PLEKHA5: variants seen among roughly 807,000 people sequenced by gnomAD.
PLEKHA5 encodes the protein pleckstrin homology domain containing A5.
PLEKHA5 carries 55 observed loss-of-function variants against 181.9 expected under a neutral mutation model. The ratio of observed to expected loss-of-function variants is 0.30; its 90% CI spans 0.24 to 0.38. The LOEUF (loss-of-function observed/expected upper bound fraction) is 0.38. PLEKHA5 is among the 10% of genes least tolerant of loss of function. The probability of loss-of-function intolerance (pLI) is 1.00; values close to 1 mark genes in which losing one functional copy is unlikely to be tolerated. For missense variants in PLEKHA5, 1,432 were observed against 1,549.5 expected, an observed-to-expected ratio of 0.92 and a Z score of 1.27; for synonymous variants, 535 against 529.4, an observed-to-expected ratio of 1.01 and a Z score of -0.15.
chr12:19,189,436 A>G (rs1416058485), intron 3 of PLEKHA5, among the ~76,000 whole-genome samples: 3 of 152,176 alleles, frequency 2.0e-5, no homozygotes, highest in Non-Finnish European at 4.4e-5. Flanking sequence ...GGGTTAGAAG[A>G]GAGGAATAAA....
At chr12:19,276,810 T>C (rs1414150403) in intron 11 of PLEKHA5, among the ~76,000 whole-genome samples, 1 of 152,206 alleles carries the variant, frequency 6.6e-6, no homozygotes, top group Non-Finnish European at 1.5e-5. Flanking sequence ...AATACATATG[T>C]TAATTAGCTT....
chr12:19,209,270 A>C (rs752168375), intron 3 of PLEKHA5, among the ~76,000 whole-genome samples: 1 of 152,192 alleles, frequency 6.6e-6, no homozygotes, highest in Non-Finnish European at 1.5e-5. Flanking sequence ...TTATGGGGAC[A>C]ACACTCCAAA....
chr12:19,306,229 A>G (rs2083479499), intron 15 of PLEKHA5, among the ~76,000 whole-genome samples: 1 of 152,132 alleles, frequency 6.6e-6, no homozygotes. Context: ...ACAGAAATTC[A>G]CCGGCATTAT....
chr12:19,280,623 C>T (rs1413306026), intron 11 of PLEKHA5, among the ~76,000 whole-genome samples: 1 of 152,094 alleles, frequency 6.6e-6, no homozygotes, highest in African/African-American at 2.4e-5. Context: ...GAGTCCCAAC[C>T]CTTCCACATA....
intron 8 of PLEKHA5, among the ~76,000 whole-genome samples, chr12:19,268,432 A>T (rs761683099): frequency 6.6e-6 from 1 of 152,190 alleles, no homozygotes; most frequent in Non-Finnish European, 1.5e-5. Flanking sequence ...TTTTCTCTGC[A>T]ATTATTTGGT....
chr12:19,219,510 C>G (rs2058589366), intron 3 of PLEKHA5, among the ~76,000 whole-genome samples: 1 of 58,840 alleles, frequency 1.7e-5, no homozygotes, highest in African/African-American at 4.3e-5. Flanking sequence ...ACTCCTGTTT[C>G]CCTTCTTTTT....
At chr12:19,282,505 T>G (rs990633498) in intron 11 of PLEKHA5, among the ~76,000 whole-genome samples, 11 of 152,346 alleles carry the variant, frequency 7.2e-5, no homozygotes, top group African/African-American at 2.6e-4. Context: ...TAACCATACT[T>G]CCTGAAAGAA....
intron 30 of PLEKHA5, among the ~76,000 whole-genome samples, chr12:19,368,814 G>A (rs1327979593): frequency 6.6e-6 from 1 of 151,926 alleles, no homozygotes; most frequent in East Asian, 1.9e-4. Flanking sequence ...ATAAGGTAGT[G>A]TGCACAGGAG....
chr12:19,311,715 G>T (rs1477852258), intron 15 of PLEKHA5, among the ~76,000 whole-genome samples: 1 of 152,048 alleles, frequency 6.6e-6, no homozygotes, highest in African/African-American at 2.4e-5. Flanking sequence ...CACCACATCT[G>T]CAGTTCCTTC....
rs1350117148 is a variant in PLEKHA5 at position 19,255,010 on chromosome 12, A to C, written c.312-35A>C. 2.5e-6 allele frequency: 4 copies of C among 1,577,816 alleles called. No homozygotes were observed. The South Asian group carries it at 4.6e-5, about 18-fold the overall frequency. On this transcript the variant is annotated intron_variant, in intron 4 of 31. Coordinates refer to ENST00000429027, the MANE Select transcript of PLEKHA5 (RefSeq NM_001256470.2). ...TGTAATTATAAAGCGGGTTACATAC[A>C]CAGCAAGTTCTAGCATTTTGACATA...
In PLEKHA5 at chr12:19,322,500, T is replaced by C. The variant is rs765028693; in HGVS notation, c.2299-18T>C. 1 of 1,612,754 alleles carries C rather than the reference T, an allele frequency of 6.2e-7. No individual in the cohort carries two copies. Among genetic ancestry groups the C allele is most frequent in the African/African-American group, 1.3e-5 (1 of 74,926 alleles). ...CAATGATGCAGAACATTAAGTGTAA[T>C]TCTTTTTATCATAATAGTACACGCT... On this transcript the variant is annotated intron_variant, in intron 19 of 31. Transcript: ENST00000429027.
At position 19,308,865 on chromosome 12, in the gene PLEKHA5, T is replaced by C. The variant is rs796971428; in HGVS notation, c.2038-5949T>C. 5.7e-5 allele frequency among the ~76,000 whole-genome samples: 8 copies of C among 139,428 alleles called. 2 individuals carry two copies. Among genetic ancestry groups the C allele is most frequent in the African/African-American group, 2.0e-4 (7 of 35,218 alleles). The allele number at this position is 139,428 out of a possible 152,430, so 91.5% of individuals were successfully genotyped here. A position where few individuals can be genotyped will look rare whatever the true frequency, so the allele number is the denominator to read the frequency against. On this transcript the variant is annotated intron_variant, in intron 15 of 31. Coordinates refer to ENST00000429027, the MANE Select transcript of PLEKHA5 (RefSeq NM_001256470.2). ...GAGTTCCAGACCAGCCTGGCTAACA[T>C]GGCGAAACCTTGTCTCTACTAAAAC...
At chr12:19,331,545 A>G (rs1425109850) in intron 20 of PLEKHA5, among the ~76,000 whole-genome samples, 1 of 152,172 alleles carries the variant, frequency 6.6e-6, no homozygotes, top group African/African-American at 2.4e-5. Flanking sequence ...TATATCTGCT[A>G]TATAGCCGTC....
At chr12:19,230,285 C>G (rs996352523) in intron 3 of PLEKHA5, among the ~76,000 whole-genome samples, 1 of 152,250 alleles carries the variant, frequency 6.6e-6, no homozygotes, top group Non-Finnish European at 1.5e-5. Flanking sequence ...GACTCAGGAG[C>G]CCAGCTGGCT....
At chr12:19,325,517 G>A (rs1042217053) in intron 20 of PLEKHA5, among the ~76,000 whole-genome samples, 10 of 151,322 alleles carry the variant, frequency 6.6e-5, no homozygotes, top group African/African-American at 1.2e-4. Flanking sequence ...GTGAAACCCC[G>A]CCTCTAATAA....
intron 15 of PLEKHA5, among the ~76,000 whole-genome samples, chr12:19,309,113 G>A (rs573111773): frequency 1.3e-5 from 2 of 152,160 alleles, no homozygotes; most frequent in East Asian, 3.9e-4. Flanking sequence ...AAGCCTTGTA[G>A]CAAAATTTTT....
intron 3 of PLEKHA5, among the ~76,000 whole-genome samples, chr12:19,199,211 T>C (rs1228103238): frequency 2.0e-5 from 3 of 152,222 alleles, no homozygotes; most frequent in Non-Finnish European, 4.4e-5. Flanking sequence ...CTCTTGCAAA[T>C]ATAAGCTCCT....
chr12:19,367,770 A>AG (rs2095471926), intron 30 of PLEKHA5, among the ~76,000 whole-genome samples: 1 of 144,398 alleles, frequency 6.9e-6, no homozygotes, highest in Non-Finnish European at 1.5e-5. Flanking sequence ...TTTTTTTTTT[A>AG]GTAGAGATAG....
intron 3 of PLEKHA5, among the ~76,000 whole-genome samples, chr12:19,144,220 T>C (rs898033887): frequency 6.6e-6 from 1 of 152,192 alleles, no homozygotes; most frequent in East Asian, 1.9e-4. Flanking sequence ...CAGTTATGTA[T>C]GTCTACATAA....
Sources: gnomAD v4.1 joint callset for allele counts (sites outside exome capture counted in the v4.1 genomes callset) on GRCh38, gnomAD v4.1.1 for gene constraint, MANE v1.5 for transcripts, NCBI Gene and HGNC (gene_info 2026-07-23, HGNC 2026-07-21) for gene names.